TDRD3: variants seen among roughly 807,000 people sequenced by gnomAD.
TDRD3 encodes tudor domain-containing protein 3.
In TDRD3, 45 loss-of-function variants were observed where a neutral mutation model predicts 86.7. The ratio of observed to expected loss-of-function variants is 0.52; its 90% CI spans 0.41 to 0.67. The LOEUF (loss-of-function observed/expected upper bound fraction) is 0.67. Among genes scored for constraint, TDRD3 ranks in the 30% least tolerant of loss-of-function variants. The probability of loss-of-function intolerance (pLI) is 0.00; values close to 1 mark genes in which losing one functional copy is unlikely to be tolerated. For missense variants in TDRD3, 814 were observed against 889.0 expected, an observed-to-expected ratio of 0.92 and a Z score of 1.07; for synonymous variants, 298 against 301.7, an observed-to-expected ratio of 0.99 and a Z score of 0.13.
upstream of TDRD3, among the ~76,000 whole-genome samples, chr13:60,396,269 C>A (rs1358846895): frequency 2.0e-5 from 3 of 152,232 alleles, no homozygotes; most frequent in East Asian, 3.8e-4. Flanking sequence ...GCCTTTTTCC[C>A]CGCAATACGG....
intron 7 of TDRD3, among the ~76,000 whole-genome samples, chr13:60,486,832 C>T (rs1225706450): frequency 6.6e-6 from 1 of 152,170 alleles, no homozygotes; most frequent in Non-Finnish European, 1.5e-5. Flanking sequence ...TTATCTCTCA[C>T]ATATGAGAGA....
At chr13:60,550,571 T>C (rs1166718231) in intron 12 of TDRD3, among the ~76,000 whole-genome samples, 8 of 152,024 alleles carry the variant, frequency 5.3e-5, no homozygotes, top group African/African-American at 1.9e-4. Context: ...TGCCTCTGGG[T>C]TCCTTTCTTC....
At chr13:60,443,026 C>A (rs1011143771) in intron 2 of TDRD3, among the ~76,000 whole-genome samples, 1 of 151,846 alleles carries the variant, frequency 6.6e-6, no homozygotes, top group African/African-American at 2.4e-5. Flanking sequence ...AATATTTCAG[C>A]TTTTGGGTGA....
chr13:60,461,787 T>C (rs1429672080), intron 4 of TDRD3, among the ~76,000 whole-genome samples: 8 of 152,152 alleles, frequency 5.3e-5, no homozygotes, highest in Non-Finnish European at 1.0e-4. Flanking sequence ...GTCTCAAAAA[T>C]TACTTCTGCC....
intron 1 of TDRD3, among the ~76,000 whole-genome samples, chr13:60,433,887 A>G (rs1008818443): frequency 5.3e-5 from 8 of 152,226 alleles, no homozygotes; most frequent in Non-Finnish European, 1.2e-4. Context: ...CTTTCAAAGA[A>G]ATGGATCAAA....
At chr13:60,538,157 T>A (rs780388841) in intron 12 of TDRD3, 14 of 152,070 alleles carry the variant, frequency 9.2e-5, no homozygotes, top group Non-Finnish European at 1.9e-4. Flanking sequence ...GTAGACCAAA[T>A]ATTTATTTCT....
At chr13:60,473,150 A>G (rs1249619921) in intron 5 of TDRD3, among the ~76,000 whole-genome samples, 3 of 152,222 alleles carry the variant, frequency 2.0e-5, no homozygotes, top group East Asian at 1.9e-4. Flanking sequence ...CTGCTGCATC[A>G]TAACATGGTG....
At position 60,491,114 on chromosome 13, in the gene TDRD3, C is replaced by CAA. The variant is rs35355225; in HGVS notation, c.718-3303_718-3302dup. ...GGGCAACAAGAGCAAAACTCCATCT[C>CAA]AAAAAAAAAAAAAAAAAAAGAAGAA... is the stretch of plus-strand genomic sequence containing the variant. On this transcript the variant is annotated intron_variant, in intron 7 of 13. Coordinates refer to ENST00000377881, the MANE Select transcript of TDRD3 (RefSeq NM_001146070.2). 4.1e-3 allele frequency among the ~76,000 whole-genome samples: 311 copies of CAA among 75,622 alleles called. 3 individuals are homozygous for CAA. Among genetic ancestry groups the CAA allele is most frequent in the African/African-American group, 0.013 (255 of 19,158 alleles). 49.6% of individuals were successfully genotyped at this position (75,622 alleles called of 152,430 possible).
intron 13 of TDRD3, among the ~76,000 whole-genome samples, chr13:60,569,509 C>G (rs928307552): frequency 7.9e-5 from 12 of 152,152 alleles, no homozygotes; most frequent in Non-Finnish European, 1.5e-4. Flanking sequence ...CCAAAGCAAT[C>G]TACAGATTTA....
chr13:60,421,005 G>C (rs1188177507), intron 1 of TDRD3, among the ~76,000 whole-genome samples: 1 of 151,984 alleles, frequency 6.6e-6, no homozygotes, highest in Non-Finnish European at 1.5e-5. Context: ...TATTCTATTT[G>C]ACTGTCCTCA....
Position 60,422,168 on chromosome 13 carries a change from G to A in TDRD3, c.42-17520G>A, listed in dbSNP as rs541966276. On this transcript the variant is annotated intron_variant, in intron 1 of 13. Coordinates refer to ENST00000377881, the MANE Select transcript of TDRD3 (RefSeq NM_001146070.2). ...TTCTGGGGGAGAAAGAAACAAAAAG[G>A]AGGGAAGGCGTTTCCTTTGGCAATT... Among the ~76,000 whole-genome samples the A allele has an allele frequency of 5.9e-5, 9 of 152,252 alleles. No homozygotes were observed. The East Asian group carries it at 1.7e-3, about 29-fold the overall frequency.
chr13:60,541,146 A>ATTCT (rs138633350), intron 12 of TDRD3, among the ~76,000 whole-genome samples: 7,893 of 149,876 alleles, frequency 0.053, 436 homozygotes, highest in African/African-American at 0.13. Context: ...TTGTTTTTCT[A>ATTCT]TTCTTTCTTT....
chr13:60,545,172 C>T (rs1036061506), intron 12 of TDRD3, among the ~76,000 whole-genome samples: 6 of 152,032 alleles, frequency 3.9e-5, no homozygotes, highest in Admixed American at 2.6e-4. Flanking sequence ...CTTCAGAAGC[C>T]ACCTAATATT....
At chr13:60,484,459 G>A (rs1465754950) in intron 6 of TDRD3, among the ~76,000 whole-genome samples, 1 of 152,050 alleles carries the variant, frequency 6.6e-6, no homozygotes, top group African/African-American at 2.4e-5. Context: ...AAGAGTGCTG[G>A]GCTAAGAGTA....
At chr13:60,448,278 C>G (rs535722575) in intron 3 of TDRD3, among the ~76,000 whole-genome samples, 1 of 152,172 alleles carries the variant, frequency 6.6e-6, no homozygotes, top group South Asian at 2.1e-4. Flanking sequence ...AGCTCTCATT[C>G]TAAGACGCAT....
At position 60,548,933 on chromosome 13, in the gene TDRD3, T is replaced by G. The variant is rs79439401; in HGVS notation, c.2118+13700T>G. ...AGAAAAAAGCTAATTGCTTGGAGAT[T>G]ATCATTGTAGGATTATCATGGTAGT... On this transcript the variant is annotated intron_variant, in intron 12 of 13. Coordinates refer to ENST00000377881, the MANE Select transcript of TDRD3 (RefSeq NM_001146070.2). Among the ~76,000 whole-genome samples the G allele has an allele frequency of 5.0e-3, 759 of 152,272 alleles. 3 individuals carry two copies. Among genetic ancestry groups the G allele is most frequent in the Middle Eastern group, 0.024 (7 of 294 alleles).
intron 13 of TDRD3, among the ~76,000 whole-genome samples, chr13:60,572,738 A>C (rs1359099871): frequency 6.6e-6 from 1 of 152,230 alleles, no homozygotes; most frequent in African/African-American, 2.4e-5. Context: ...AGACTACTAC[A>C]TAGGTACTGT....
At chr13:60,423,095 G>T (rs1050685548) in intron 1 of TDRD3, among the ~76,000 whole-genome samples, 1 of 152,126 alleles carries the variant, frequency 6.6e-6, no homozygotes, top group Non-Finnish European at 1.5e-5. Context: ...GTAGCATCAA[G>T]CTTTTCAAAA....
At chr13:60,550,176 A>G (rs1958016613) in intron 12 of TDRD3, among the ~76,000 whole-genome samples, 1 of 152,144 alleles carries the variant, frequency 6.6e-6, no homozygotes, top group South Asian at 2.1e-4. Context: ...CACTCATTAA[A>G]TGAAGAAACA....
Sources: allele counts gnomAD v4.1 joint callset (sites outside exome capture counted in the v4.1 genomes callset), GRCh38; gene constraint gnomAD v4.1.1; transcripts MANE v1.5; gene names NCBI Gene and HGNC (gene_info 2026-07-23, HGNC 2026-07-21).